NAV1: variants seen among roughly 807,000 people sequenced by gnomAD.
NAV1 encodes the protein pore membrane and/or filament interacting like protein 3.
NAV1 carries 18 observed loss-of-function variants against 175.2 expected under a neutral mutation model. That is an observed-to-expected ratio of 0.10 (90% confidence interval 0.07 to 0.15). The LOEUF (loss-of-function observed/expected upper bound fraction) is 0.15. Among genes scored for constraint, NAV1 ranks in the 10% least tolerant of loss-of-function variants. The probability of loss-of-function intolerance (pLI) is 1.00; values close to 1 mark genes in which losing one functional copy is unlikely to be tolerated. For missense variants in NAV1, 1,731 were observed against 2,436.6 expected (o/e 0.71, Z 6.10); for synonymous variants, 897 against 978.7 (o/e 0.92, Z 1.56).
chr1:201,753,629 A>G (rs1674274788), intron 3 of NAV1, among the ~76,000 whole-genome samples: 1 of 152,238 alleles, frequency 6.6e-6, no homozygotes, highest in African/African-American at 2.4e-5. Flanking sequence ...TGTTTTCCAC[A>G]GAAATGACAA....
chr1:201,742,902 G>A (rs532267335), intron 3 of NAV1, among the ~76,000 whole-genome samples: 1 of 152,278 alleles, frequency 6.6e-6, no homozygotes, highest in South Asian at 2.1e-4. Context: ...AGGAATGAGG[G>A]AGGGACTTAA....
At chr1:201,701,009 C>CAAAAAAAAAAAAAAAAAAAA (rs386369321) in intron 1 of NAV1, among the ~76,000 whole-genome samples, 2 of 52,752 alleles carry the variant, frequency 3.8e-5, no homozygotes, top group African/African-American at 8.8e-5. Flanking sequence ...GACTCTGTCT[C>CAAAAAAAAAAAAAAAAAAAA]AAAAAAAAAA....
At chr1:201,626,328 G>C (rs1350033861) in intron 1 of NAV1, among the ~76,000 whole-genome samples, 1 of 152,172 alleles carries the variant, frequency 6.6e-6, no homozygotes, top group Non-Finnish European at 1.5e-5. Context: ...CAAAGCCCCA[G>C]TGGAATGCAG....
chr1:201,756,381 T>C (rs1191501460), intron 3 of NAV1, among the ~76,000 whole-genome samples: 1 of 152,260 alleles, frequency 6.6e-6, no homozygotes, highest in Non-Finnish European at 1.5e-5. Flanking sequence ...GAATGCTTCA[T>C]ACTTCCTTGC....
intron 1 of NAV1, among the ~76,000 whole-genome samples, chr1:201,547,861 C>T (rs1398371344): frequency 6.6e-6 from 1 of 152,190 alleles, no homozygotes; most frequent in African/African-American, 2.4e-5. Context: ...GTGGCATGAT[C>T]TCGGCTCACT....
In NAV1 at chr1:201,694,028, G is replaced by C. The variant is rs1671077570; in HGVS notation, c.758-18789G>C. The stretch of plus-strand genomic sequence containing the variant: ...GTACAAAATTCTGTCTCCACAGTGT[G>C]TCCCCCAGTTTGGCTTCCTGGTGGG... On this transcript the variant is annotated intron_variant, in intron 1 of 29. Coordinates refer to ENST00000367296, the Ensembl canonical transcript of NAV1. The surrounding 1 kb of genome is among the most constrained non-coding windows in gnomAD (Gnocchi z 4.2). Among the ~76,000 whole-genome samples, 1 of 152,208 alleles carries C rather than the reference G, an allele frequency of 6.6e-6. No individual in the cohort carries two copies. The highest frequency in any genetic ancestry group is 2.4e-5 in the African/African-American group (1 of 41,454).
At chr1:201,576,253 A>G (rs769704310) in intron 1 of NAV1, among the ~76,000 whole-genome samples, 4 of 152,258 alleles carry the variant, frequency 2.6e-5, no homozygotes, top group Non-Finnish European at 5.9e-5. Context: ...TATGAATGGA[A>G]TCATAGAGCA....
At chr1:201,642,517 C>CTTTCTTTCTTTCTTTCTT (rs1553247043) in intron 2 of NAV1, among the ~76,000 whole-genome samples, 36 of 118,490 alleles carry the variant, frequency 3.0e-4, no homozygotes, top group East Asian at 1.9e-3. Flanking sequence ...CGGCCTCTTT[C>CTTTCTTTCTTTCTTTCTT]TTTCTTTTTT....
chr1:201,552,206 T>C (rs1571816708), intron 1 of NAV1, among the ~76,000 whole-genome samples: 1 of 152,174 alleles, frequency 6.6e-6, no homozygotes, highest in East Asian at 1.9e-4. Flanking sequence ...GCTGATAGTC[T>C]GGGAAAGGCC....
intron 1 of NAV1, among the ~76,000 whole-genome samples, chr1:201,544,881 G>T (rs1178356678): frequency 1.3e-5 from 2 of 152,140 alleles, no homozygotes; most frequent in Admixed American, 6.5e-5. Context: ...TTTTTTCAAG[G>T]AAGGTTGATA....
intron 1 of NAV1, among the ~76,000 whole-genome samples, chr1:201,691,198 A>C (rs1670920070): frequency 6.6e-6 from 1 of 152,020 alleles, no homozygotes; most frequent in South Asian, 2.1e-4. Context: ...TGCCAGTAAC[A>C]CCCCCTCCCA....
intron 3 of NAV1, among the ~76,000 whole-genome samples, chr1:201,772,965 G>A (rs1341889255): frequency 4.6e-5 from 7 of 151,568 alleles, no homozygotes; most frequent in Non-Finnish European, 8.8e-5. Context: ...CCTGGGAGGC[G>A]GAGCTTGCAG....
rs1450020209 is a variant in NAV1, at chr1:201,808,025, G to A, written c.3721G>A (p.Glu1241Lys). Residue 1241 changes from glutamate (E) to lysine (K), a missense_variant, in exon 18 of 30, where the codon GAG becomes AAG. Transcript: ENST00000367296. The surrounding 1 kb of genome is among the most constrained non-coding windows in gnomAD (Gnocchi z 5.5). ...GTCAGCTTCCTCATACTCGGATATA[G>A]AGGAGATTGCTACACCCGACTCTTC... 1.2e-6 allele frequency: 2 copies of A among 1,614,156 alleles called. No homozygotes were observed. Among genetic ancestry groups the A allele is most frequent in the East Asian group, 2.2e-5 (1 of 44,872 alleles).
Position 201,812,070 on chromosome 1 carries a change from G to T in NAV1, c.5024+96G>T. 1.7e-6 allele frequency: 2 copies of T among 1,189,768 alleles called. No homozygotes were observed. The highest frequency in any genetic ancestry group is 2.5e-6 in the Non-Finnish European group (2 of 799,160). The allele number at this position is 1,189,768 out of a possible 1,614,324, so 73.7% of individuals were successfully genotyped here. ...AGGCAGTAGATAGGAGAAGGAAAGA[G>T]AAGTATCCAGAGCTTTTTGGGCTGG... On this transcript the variant is annotated intron_variant, in intron 26 of 29. Transcript: ENST00000367296. This position sits in a 1 kb window ranked among gnomAD's most constrained non-coding sequence, Gnocchi z 4.6.
chr1:201,644,235 T>A (rs1011668092), upstream of NAV1, among the ~76,000 whole-genome samples: 2 of 152,202 alleles, frequency 1.3e-5, no homozygotes, highest in Non-Finnish European at 2.9e-5. Context: ...AAGCCTGTCA[T>A]TCTAGAGAAG....
At chr1:201,575,932 T>G (rs1666680832) in intron 1 of NAV1, among the ~76,000 whole-genome samples, 1 of 152,204 alleles carries the variant, frequency 6.6e-6, no homozygotes, top group Non-Finnish European at 1.5e-5. Flanking sequence ...ATTGTTGACT[T>G]TTATTAAACT....
chr1:201,690,657 CGCTG>C (rs1670882989), intron 1 of NAV1, among the ~76,000 whole-genome samples: 1 of 126,284 alleles, frequency 7.9e-6, no homozygotes. Context: ...TGTGGCAGAG[CGCTG>C]GCTATTTCCT....
exon 4 of NAV1, chr1:201,780,477 G>C (rs1219033038): frequency 6.2e-7 from 1 of 1,614,082 alleles, no homozygotes; most frequent in East Asian, 2.2e-5. Context: ...GACAATCTCA[G>C]TTCAGAAGAA....
Position 201,729,672 on chromosome 1 carries a change from C to T in NAV1, c.1226+10917C>T, listed in dbSNP as rs1308375937. Among the ~76,000 whole-genome samples, 7 of 151,884 alleles carry T rather than the reference C, an allele frequency of 4.6e-5. No individual in the cohort carries two copies. The South Asian group carries it at 8.3e-4, about 18-fold the overall frequency. Reference sequence around the variant, plus strand: ...CTGTAATCCCAGCACTTCGGGAGGCCGAGGCGGGCAGATCATGAGGTCAGG... The same window carrying T: ...CTGTAATCCCAGCACTTCGGGAGGCTGAGGCGGGCAGATCATGAGGTCAGG... On this transcript the variant is annotated intron_variant, in intron 3 of 29. Transcript: ENST00000367296.
Sources: allele counts gnomAD v4.1 joint callset (sites outside exome capture counted in the v4.1 genomes callset), GRCh38; gene constraint gnomAD v4.1.1; non-coding constraint Gnocchi (gnomAD v3.1); transcripts MANE v1.5; gene names NCBI Gene and HGNC (gene_info 2026-07-23, HGNC 2026-07-21).